The following FUT8 variants were observed in gnomAD, a reference collection of about 807,000 sequenced individuals.
FUT8 encodes the protein alpha-(1,6)-fucosyltransferase.
In FUT8, 29 loss-of-function variants were observed where a neutral mutation model predicts 71.3. The ratio of observed to expected loss-of-function variants is 0.41; its 90% CI spans 0.30 to 0.55. The LOEUF is 0.55. Among genes scored for constraint, FUT8 ranks in the 20% least tolerant of loss-of-function variants. The pLI is 0.34. For synonymous variants in FUT8, 254 were observed against 239.3 expected (o/e 1.06, Z -0.57); for missense variants, 544 against 702.1 (o/e 0.77, Z 2.55).
At chr14:65,537,324 T>C (rs1176355292) in intron 2 of FUT8, among the ~76,000 whole-genome samples, 1 of 151,496 alleles carries the variant, frequency 6.6e-6, no homozygotes, top group African/African-American at 2.4e-5. Flanking sequence ...AAGAAGACAC[T>C]CTGGTTTTTT....
At chr14:65,682,919 C>T (rs1893103479) in intron 7 of FUT8, among the ~76,000 whole-genome samples, 1 of 151,704 alleles carries the variant, frequency 6.6e-6, no homozygotes, top group Non-Finnish European at 1.5e-5. Flanking sequence ...AATGGTAGTG[C>T]TTTAGTTAAA....
chr14:65,370,594 T>C, the FUT8 span, among the ~76,000 whole-genome samples: 3 of 149,872 alleles, frequency 2.0e-5, no homozygotes, highest in African/African-American at 7.3e-5. Context: ...AAAATATATA[T>C]AAGTATATGT....
At chr14:65,588,501 T>C (rs1282102943) in intron 3 of FUT8, among the ~76,000 whole-genome samples, 1 of 152,242 alleles carries the variant, frequency 6.6e-6, no homozygotes, top group Non-Finnish European at 1.5e-5. Flanking sequence ...ATCTGACATT[T>C]CCAGATTGTA....
chr14:65,702,869 C>T (rs193133510), intron 7 of FUT8, among the ~76,000 whole-genome samples: 3 of 152,164 alleles, frequency 2.0e-5, no homozygotes, highest in Admixed American at 1.3e-4. Flanking sequence ...TACTCAGCCT[C>T]CCAAGTAGCT....
intron 2 of FUT8, among the ~76,000 whole-genome samples, chr14:65,543,484 A>G (rs530780208): frequency 6.6e-6 from 1 of 152,354 alleles, no homozygotes; most frequent in African/African-American, 2.4e-5. Flanking sequence ...TATAGGAAAT[A>G]GATAAATAAG....
chr14:65,724,116 A>G (rs1488733552), intron 8 of FUT8, 31 bp from the exon 9 acceptor site: 4 of 1,525,962 alleles, frequency 2.6e-6, no homozygotes, highest in Admixed American at 4.2e-5. Context: ...GTGTCAGTAC[A>G]TTACCAGTAG....
At chr14:65,738,872 A>G (rs1054356588) in intron 10 of FUT8, among the ~76,000 whole-genome samples, 2 of 152,012 alleles carry the variant, frequency 1.3e-5, no homozygotes, top group Admixed American at 6.6e-5. Context: ...TTGTGTCTCC[A>G]TTACTGGGCT....
At chr14:65,406,114 T>C (rs1286073306), upstream of FUT8, among the ~76,000 whole-genome samples, 4 of 152,258 alleles carry the variant, frequency 2.6e-5, no homozygotes, top group African/African-American at 9.6e-5. Context: ...ATTAAATGAA[T>C]GGTAAAGGAG....
intron 6 of FUT8, among the ~76,000 whole-genome samples, chr14:65,640,648 TC>T (rs573352648): frequency 2.6e-5 from 4 of 152,086 alleles, no homozygotes; most frequent in African/African-American, 9.6e-5. Context: ...TTAAAGAATT[TC>T]CCCCAAAACA....
chr14:65,582,885 C>T (rs1887166371), intron 3 of FUT8, among the ~76,000 whole-genome samples: 1 of 152,162 alleles, frequency 6.6e-6, no homozygotes, highest in East Asian at 1.9e-4. Flanking sequence ...TCTTTGTATT[C>T]TCAGGAGATA....
At chr14:65,372,412 C>T in the FUT8 span, among the ~76,000 whole-genome samples, 3 of 151,930 alleles carry the variant, frequency 2.0e-5, no homozygotes, top group Admixed American at 2.0e-4. Flanking sequence ...TCTTTCCCTT[C>T]CTTCTTTTTT....
At chr14:65,674,203 C>A (rs896057097) in intron 7 of FUT8, among the ~76,000 whole-genome samples, 1 of 152,096 alleles carries the variant, frequency 6.6e-6, no homozygotes, top group African/African-American at 2.4e-5. Flanking sequence ...TTAATAGAAA[C>A]TTAAAACAAG....
intron 2 of FUT8, among the ~76,000 whole-genome samples, chr14:65,539,612 T>C (rs547624974): frequency 9.5e-4 from 145 of 152,338 alleles, no homozygotes; most frequent in African/African-American, 1.3e-3. Context: ...TACTTATTTA[T>C]GTACTAATAG....
chr14:65,565,660 T>G (rs1886155154), intron 3 of FUT8, among the ~76,000 whole-genome samples: 4 of 151,996 alleles, frequency 2.6e-5, no homozygotes, highest in Non-Finnish European at 4.4e-5. Context: ...GCTCTCCTCC[T>G]ACCCAGCATT....
chr14:65,407,691 C>T (rs948922669), upstream of FUT8, among the ~76,000 whole-genome samples: 9 of 152,190 alleles, frequency 5.9e-5, no homozygotes, highest in African/African-American at 2.2e-4. Flanking sequence ...TTTTTGCTTA[C>T]AGTGTTATGG....
chr14:65,435,472 G>A (rs2065541155), intron 1 of FUT8, among the ~76,000 whole-genome samples: 2 of 152,130 alleles, frequency 1.3e-5, no homozygotes, highest in South Asian at 2.1e-4. Context: ...GTAATCTGTG[G>A]TATGAATGTA....
the FUT8 span, among the ~76,000 whole-genome samples, chr14:65,374,832 C>T: frequency 6.6e-6 from 1 of 151,794 alleles, no homozygotes; most frequent in African/African-American, 2.4e-5. Flanking sequence ...GAACTCCTGA[C>T]CTCGTGATCC....
intron 2 of FUT8, among the ~76,000 whole-genome samples, chr14:65,534,011 T>C (rs547631305): frequency 7.2e-4 from 110 of 152,370 alleles, no homozygotes; most frequent in African/African-American, 2.6e-3. Context: ...TTCAATATGC[T>C]TCCGGATTTG....
chr14:65,667,828 C>T (rs1892292653), intron 6 of FUT8, among the ~76,000 whole-genome samples: 1 of 151,982 alleles, frequency 6.6e-6, no homozygotes, highest in African/African-American at 2.4e-5. Context: ...GGTACCCATA[C>T]CATGTATCAC....
Sources: allele counts gnomAD v4.1 joint callset (sites outside exome capture counted in the v4.1 genomes callset), GRCh38; gene constraint gnomAD v4.1.1; transcripts MANE v1.5; gene names NCBI Gene and HGNC (gene_info 2026-07-23, HGNC 2026-07-21).